The following PTPRD variants were observed in gnomAD, a reference collection of about 807,000 sequenced individuals.
The protein encoded by PTPRD is protein tyrosine phosphatase receptor type D.
PTPRD carries 34 observed loss-of-function variants against 214.5 expected under a neutral mutation model. The observed-to-expected ratio is 0.16, with a 90% CI of 0.12 to 0.21. The LOEUF is 0.21. PTPRD is among the 10% of genes least tolerant of loss of function. PTPRD has a pLI of 1.00. For missense variants in PTPRD, 2,545 were observed against 2,398.7 expected, an observed-to-expected ratio of 1.06 and a Z score of -1.27; for synonymous variants, 1,128 against 845.7, an observed-to-expected ratio of 1.33 and a Z score of -5.79.
chr9:10,599,247 G>T (rs960439469), intron 2 of PTPRD, among the ~76,000 whole-genome samples: 1 of 151,644 alleles, frequency 6.6e-6, no homozygotes, highest in Non-Finnish European at 1.5e-5. Context: ...CATCCCATCA[G>T]CCTGAACTAC....
intron 2 of PTPRD, among the ~76,000 whole-genome samples, chr9:10,578,877 G>C (rs2070621817): frequency 6.6e-6 from 1 of 151,900 alleles, no homozygotes; most frequent in Non-Finnish European, 1.5e-5. Context: ...GTTTTGTTTT[G>C]TTTTTAAATC....
chr9:9,089,720 G>C (rs190768382), intron 10 of PTPRD, among the ~76,000 whole-genome samples: 1 of 152,166 alleles, frequency 6.6e-6, no homozygotes, highest in Non-Finnish European at 1.5e-5. Context: ...TAAGAACGAA[G>C]GGTTGGTGTA....
At chr9:8,893,943 G>T (rs543616629) in intron 11 of PTPRD, among the ~76,000 whole-genome samples, 1 of 121,138 alleles carries the variant, frequency 8.3e-6, no homozygotes, top group South Asian at 3.2e-4. Context: ...ATATGTGGAA[G>T]TAAAAAAAAA....
At chr9:9,888,509 G>C (rs972234147) in intron 5 of PTPRD, among the ~76,000 whole-genome samples, 1 of 152,098 alleles carries the variant, frequency 6.6e-6, no homozygotes. Context: ...ATGGCTTGGT[G>C]CTGTCCTCAA....
intron 5 of PTPRD, among the ~76,000 whole-genome samples, chr9:9,922,070 T>C (rs555831636): frequency 3.3e-5 from 5 of 152,226 alleles, no homozygotes; most frequent in Admixed American, 2.0e-4. Context: ...GAGAAAGTAC[T>C]GCCTATATGC....
chr9:8,945,065 A>G (rs2099055486), intron 11 of PTPRD, among the ~76,000 whole-genome samples: 1 of 152,080 alleles, frequency 6.6e-6, no homozygotes, highest in South Asian at 2.1e-4. Context: ...AAAATTTTTT[A>G]AAAAGAAAAT....
chr9:9,019,360 G>GAAAGAA (rs879330252), intron 10 of PTPRD, among the ~76,000 whole-genome samples: 20 of 149,720 alleles, frequency 1.3e-4, no homozygotes, highest in African/African-American at 4.9e-4. Context: ...AAGAAAGAAA[G>GAAAGAA]AATCTGAATT....
intron 8 of PTPRD, among the ~76,000 whole-genome samples, chr9:9,574,395 C>G (rs1029833660): frequency 1.1e-3 from 172 of 152,054 alleles, no homozygotes; most frequent in African/African-American, 4.0e-3. Flanking sequence ...TTCAATAACT[C>G]ATTGCCATCA....
rs940373805 is a variant in PTPRD, at chr9:9,666,099, A to G, written c.-287+68434T>C. On this transcript the variant is annotated intron_variant, in intron 7 of 45. Transcript: ENST00000381196. ...TAACTATCCACATATCAAGTTGTATACCCATAAACCCCCAAAATTCTACCT... is the reference window on the plus strand; with the variant it reads ...TAACTATCCACATATCAAGTTGTATGCCCATAAACCCCCAAAATTCTACCT... Among the ~76,000 whole-genome samples, 5 of 152,010 alleles carry G rather than the reference A, an allele frequency of 3.3e-5. No homozygotes were observed. In the South Asian group the frequency reaches 1.0e-3, roughly 32 times the overall value.
intron 3 of PTPRD, among the ~76,000 whole-genome samples, chr9:10,331,983 T>C (rs1211764557): frequency 6.6e-6 from 1 of 151,864 alleles, no homozygotes; most frequent in African/African-American, 2.4e-5. Context: ...TCACAGTTTT[T>C]CTGAGTAGTT....
At chr9:10,258,864 T>C (rs1436216548) in intron 3 of PTPRD, among the ~76,000 whole-genome samples, 1 of 152,220 alleles carries the variant, frequency 6.6e-6, no homozygotes, top group Non-Finnish European at 1.5e-5. Flanking sequence ...AATTTATAAT[T>C]CAATACAACC....
intron 5 of PTPRD, among the ~76,000 whole-genome samples, chr9:9,848,805 A>G (rs774302655): frequency 3.3e-5 from 5 of 152,158 alleles, no homozygotes; most frequent in Non-Finnish European, 7.4e-5. Flanking sequence ...CTTTCTTGTA[A>G]GAAAAAAACT....
chr9:8,450,752 T>C (rs1309655189), intron 33 of PTPRD, among the ~76,000 whole-genome samples: 2 of 152,160 alleles, frequency 1.3e-5, no homozygotes, highest in Admixed American at 6.5e-5. Context: ...CTTTATCCAA[T>C]AAAAAATTAA....
intron 44 of PTPRD, among the ~76,000 whole-genome samples, chr9:8,327,496 G>C (rs555987852): frequency 6.6e-6 from 1 of 152,252 alleles, no homozygotes; most frequent in Admixed American, 6.5e-5. Flanking sequence ...GTGCTGAGAA[G>C]AATGTATAAT....
chr9:9,731,876 C>A (rs1023252346), intron 7 of PTPRD, among the ~76,000 whole-genome samples: 1 of 152,238 alleles, frequency 6.6e-6, no homozygotes, highest in African/African-American at 2.4e-5. Context: ...AGGTATGCTG[C>A]AGTAAAGAGA....
intron 44 of PTPRD, among the ~76,000 whole-genome samples, chr9:8,328,709 C>G (rs1039299798): frequency 1.3e-5 from 2 of 151,926 alleles, no homozygotes; most frequent in Non-Finnish European, 2.9e-5. Context: ...CCATATTTCT[C>G]GGAGGCTTTG....
intron 43 of PTPRD, among the ~76,000 whole-genome samples, chr9:8,333,656 A>G (rs10739156): frequency 0.56 from 84,814 of 151,740 alleles, 24,543 homozygotes; most frequent in Non-Finnish European, 0.64. Flanking sequence ...TAATGGGCAA[A>G]ATAACCAGCC....
intron 10 of PTPRD, among the ~76,000 whole-genome samples, chr9:9,050,342 T>C (rs2099682471): frequency 6.6e-6 from 1 of 152,158 alleles, no homozygotes; most frequent in South Asian, 2.1e-4. Context: ...TGTTACACCA[T>C]AAGGCATGGA....
chr9:9,564,094 C>T (rs1416914906), intron 8 of PTPRD, among the ~76,000 whole-genome samples: 1 of 152,116 alleles, frequency 6.6e-6, no homozygotes, highest in Non-Finnish European at 1.5e-5. Context: ...ATAGCATGCT[C>T]ATCTGGCCTC....
Sources: gnomAD v4.1 joint callset for allele counts (sites outside exome capture counted in the v4.1 genomes callset) on GRCh38, gnomAD v4.1.1 for gene constraint, MANE v1.5 for transcripts, NCBI Gene and HGNC (gene_info 2026-07-23, HGNC 2026-07-21) for gene names.